UPP2: variants seen among roughly 807,000 people sequenced by gnomAD.
UPP2 encodes uridine phosphorylase 2.
A neutral mutation model predicts 26.7 loss-of-function variants in UPP2; 23 were observed. The observed-to-expected ratio is 0.86, with a 90% CI of 0.62 to 1.22. UPP2 has a LOEUF of 1.22. Among genes scored for constraint, UPP2 ranks in the 50% most tolerant of loss-of-function variants. The pLI is 0.00. For missense variants in UPP2, 387 were observed against 396.7 expected (o/e 0.98, Z 0.21); for synonymous variants, 127 against 141.3 (o/e 0.90, Z 0.72).
At chr2:158,031,302 T>A (rs1241344430) in intron 3 of UPP2, among the ~76,000 whole-genome samples, 4 of 152,128 alleles carry the variant, frequency 2.6e-5, no homozygotes, top group Admixed American at 2.6e-4. Context: ...TGTGGCTACA[T>A]AAAAGGCCCT....
At chr2:158,020,302 C>T (rs1428853565) in intron 3 of UPP2, among the ~76,000 whole-genome samples, 1 of 152,146 alleles carries the variant, frequency 6.6e-6, no homozygotes, top group African/African-American at 2.4e-5. Context: ...TGCAAAGTGG[C>T]GTTAGTTCCA....
At chr2:158,058,170 G>A (rs1250155013) in intron 3 of UPP2, among the ~76,000 whole-genome samples, 2 of 152,020 alleles carry the variant, frequency 1.3e-5, no homozygotes, top group African/African-American at 4.8e-5. Flanking sequence ...GCGTGCGCCT[G>A]TAGTCCCAGC....
chr2:158,079,972 G>C (rs1162804385), intron 3 of UPP2, among the ~76,000 whole-genome samples: 2 of 151,928 alleles, frequency 1.3e-5, no homozygotes. Flanking sequence ...AAGTCTCACT[G>C]TCTGGGGGAA....
intron 3 of UPP2, among the ~76,000 whole-genome samples, chr2:158,071,254 G>A (rs1024602776): frequency 1.3e-5 from 2 of 152,036 alleles, no homozygotes; most frequent in East Asian, 1.9e-4. Flanking sequence ...AGTGCAACTC[G>A]CAGCAACAAA....
chr2:158,028,818 G>A (rs1200891086), intron 3 of UPP2, among the ~76,000 whole-genome samples: 1 of 152,192 alleles, frequency 6.6e-6, no homozygotes, highest in Non-Finnish European at 1.5e-5. Flanking sequence ...AAATGAGGAA[G>A]ATGCAAAAGC....
chr2:158,008,471 C>T (rs1010509769), intron 2 of UPP2, among the ~76,000 whole-genome samples: 4 of 152,180 alleles, frequency 2.6e-5, no homozygotes, highest in African/African-American at 7.2e-5. Flanking sequence ...TGTTATTTGA[C>T]TTAGGCTAAC....
In UPP2 at chr2:157,996,577, A is replaced by C. The variant is rs544346395; in HGVS notation, c.61+1318A>C. On this transcript the variant is annotated intron_variant, in intron 2 of 9. Coordinates refer to the UPP2 transcript ENST00000605860. Reference sequence around the variant, plus strand: ...TCTTTGAAAGTTATTTTTATGCTTTAGTTGTATTCTGTGAGGATTTACTAT... The same window carrying C: ...TCTTTGAAAGTTATTTTTATGCTTTCGTTGTATTCTGTGAGGATTTACTAT... Among the ~76,000 whole-genome samples the C allele has an allele frequency of 7.2e-4, 110 of 152,286 alleles. 1 individual carries two copies. The highest frequency in any genetic ancestry group is 1.5e-3 in the Non-Finnish European group (102 of 68,004).
At chr2:158,043,197 A>G (rs1684104645) in intron 3 of UPP2, among the ~76,000 whole-genome samples, 1 of 152,146 alleles carries the variant, frequency 6.6e-6, no homozygotes, top group South Asian at 2.1e-4. Context: ...GAGCATTTCA[A>G]TGAGAAATCT....
intron 3 of UPP2, among the ~76,000 whole-genome samples, chr2:158,051,755 C>T (rs1429373917): frequency 6.7e-6 from 1 of 148,708 alleles, no homozygotes; most frequent in African/African-American, 2.5e-5. Context: ...CACTCCAGCC[C>T]GGGCAACAGG....
In UPP2 at chr2:158,134,943, T is replaced by C. The variant is rs1683901095; in HGVS notation, c.*53T>C. 1 of 1,539,382 alleles carries C rather than the reference T, an allele frequency of 6.5e-7. No individual in the cohort carries two copies. Among genetic ancestry groups the C allele is most frequent in the South Asian group, 1.3e-5 (1 of 79,274 alleles). ...CCCTGCAAGTTTGTAGCTCAAGTTGTAATGTGAAAGTCATATTTTATTTGT... is the reference window on the plus strand; with the variant it reads ...CCCTGCAAGTTTGTAGCTCAAGTTGCAATGTGAAAGTCATATTTTATTTGT... On this transcript the variant is annotated 3_prime_UTR_variant, in exon 7 of 7. Coordinates refer to ENST00000005756, the MANE Select transcript of UPP2 (RefSeq NM_173355.4).
At chr2:158,101,748 AG>A (rs1348318748), upstream of UPP2, 22 of 790,628 alleles carry the variant, frequency 2.8e-5, 1 homozygote, top group Admixed American at 6.4e-4. Context: ...ATAGTTAACA[AG>A]CTAACCAACC....
intron 3 of UPP2, among the ~76,000 whole-genome samples, chr2:158,043,853 G>A (rs750383746): frequency 6.6e-6 from 1 of 152,196 alleles, no homozygotes; most frequent in Non-Finnish European, 1.5e-5. Flanking sequence ...ATCATGGTGT[G>A]AATTTTAGTT....
intron 6 of UPP2, among the ~76,000 whole-genome samples, chr2:158,124,102 G>A (rs539809170): frequency 1.4e-4 from 22 of 152,244 alleles, no homozygotes; most frequent in Admixed American, 1.4e-3. Flanking sequence ...CTAAACCTCA[G>A]GGTTCAACAG....
At chr2:158,091,720 T>C (rs1486203969) in intron 3 of UPP2, among the ~76,000 whole-genome samples, 1 of 152,158 alleles carries the variant, frequency 6.6e-6, no homozygotes, top group East Asian at 1.9e-4. Flanking sequence ...TGGCCCTCAC[T>C]GGGGTGACGA....
intron 3 of UPP2, among the ~76,000 whole-genome samples, chr2:158,055,294 C>T (rs1371835209): frequency 6.6e-6 from 1 of 152,132 alleles, no homozygotes; most frequent in Non-Finnish European, 1.5e-5. Flanking sequence ...CTCAGGATAA[C>T]ACATTAATCC....
intron 6 of UPP2, among the ~76,000 whole-genome samples, chr2:158,124,391 G>A (rs1683647240): frequency 6.6e-6 from 1 of 152,180 alleles, no homozygotes; most frequent in Non-Finnish European, 1.5e-5. Flanking sequence ...AAGAGATCAG[G>A]AGGGGAGAGG....
intron 2 of UPP2, among the ~76,000 whole-genome samples, chr2:158,013,059 A>C (rs1683605536): frequency 6.6e-6 from 1 of 151,964 alleles, no homozygotes; most frequent in Non-Finnish European, 1.5e-5. Context: ...GCCGGAGTGC[A>C]GTGGTGCAAT....
chr2:158,025,738 T>G (rs1057389833), intron 3 of UPP2, among the ~76,000 whole-genome samples: 1 of 152,212 alleles, frequency 6.6e-6, no homozygotes, highest in South Asian at 2.1e-4. Context: ...GGGCCATATG[T>G]GTACACATCT....
chr2:158,020,637 G>T (rs1683734677), intron 3 of UPP2, among the ~76,000 whole-genome samples: 1 of 152,198 alleles, frequency 6.6e-6, no homozygotes, highest in South Asian at 2.1e-4. Flanking sequence ...CTGAAGCAGG[G>T]ATGGAAATCC....
Sources: gnomAD v4.1 joint callset for allele counts (sites outside exome capture counted in the v4.1 genomes callset) on GRCh38, gnomAD v4.1.1 for gene constraint, MANE v1.5 for transcripts, NCBI Gene and HGNC (gene_info 2026-07-23, HGNC 2026-07-21) for gene names.